DRC7: variants seen among roughly 807,000 people sequenced by gnomAD.
DRC7 encodes the protein dynein regulatory complex subunit 7, also known as coiled-coil domain containing 135.
DRC7 carries 80 observed loss-of-function variants against 104.4 expected under a neutral mutation model. That is an observed-to-expected ratio of 0.77 (90% CI 0.64 to 0.92). DRC7 has a LOEUF of 0.92. DRC7 is among the 40% of genes least tolerant of loss of function. The pLI is 0.00. For synonymous variants in DRC7, 405 were observed against 447.3 expected (o/e 0.91, Z 1.19); for missense variants, 1,034 against 1,141.1 (o/e 0.91, Z 1.35).
intron 8 of DRC7, among the ~76,000 whole-genome samples, chr16:57,709,145 A>G (rs1597800116): frequency 7.1e-6 from 1 of 140,948 alleles, no homozygotes; most frequent in African/African-American, 2.9e-5. Context: ...AAAAAAAAAA[A>G]GCAATTGCTT....
Position 57,702,001 on chromosome 16 carries a change from T to A in DRC7, c.570T>A (p.Ser190Arg). The part of the protein sequence containing the change: ...KYQKGNCFDF[S>R]TLLCSMLIGS... Reference sequence around the variant, plus strand: ...AGAAGGGGAACTGCTTTGACTTCAGTACGCTGCTCTGCTCCATGCTTATCG... The same window carrying A: ...AGAAGGGGAACTGCTTTGACTTCAGAACGCTGCTCTGCTCCATGCTTATCG... The change falls in exon 6 of 19, where the codon AGT (serine) becomes AGA (arginine). Residue 190 changes from serine (S) to arginine (R), a missense_variant. Ser to Arg is a moderately radical substitution (Grantham distance 110). Coordinates refer to ENST00000360716, the MANE Select transcript of DRC7 (RefSeq NM_001289162.2). 6.2e-7 allele frequency: 1 copy of A among 1,614,218 alleles called. No individual in the cohort carries two copies. Among genetic ancestry groups the A allele is most frequent in the Non-Finnish European group, 8.5e-7 (1 of 1,180,030 alleles).
Position 57,726,301 on chromosome 16 carries a change from G to A in DRC7, c.1974+18G>A, listed in dbSNP as rs1239664963. 2 of 1,597,874 alleles carry A rather than the reference G, an allele frequency of 1.3e-6. No homozygotes were observed. The highest frequency in any genetic ancestry group is 1.7e-6 in the Non-Finnish European group (2 of 1,167,276). ...GCTTCGAGGTGGGCCTGGGGGCCACGGCGGGCAGGGGTCGGCTGCAGGAGG... is the reference window on the plus strand; with the variant it reads ...GCTTCGAGGTGGGCCTGGGGGCCACAGCGGGCAGGGGTCGGCTGCAGGAGG... On this transcript the variant is annotated intron_variant, in intron 14 of 18. Transcript: ENST00000360716.
intron 6 of DRC7, among the ~76,000 whole-genome samples, chr16:57,704,675 A>G (rs1356891746): frequency 3.9e-5 from 6 of 152,202 alleles, no homozygotes; most frequent in Non-Finnish European, 5.9e-5. Context: ...TCACACCATG[A>G]ACCTGAGATT....
intron 13 of DRC7, 39 bp downstream of exon 13, chr16:57,724,874 T>C: frequency 6.6e-7 from 1 of 1,519,814 alleles, no homozygotes; most frequent in South Asian, 1.2e-5. Flanking sequence ...TCGCCCTCCT[T>C]CTCTGGCAGC....
chr16:57,708,498 T>C (rs1332540675), intron 8 of DRC7, among the ~76,000 whole-genome samples: 1 of 152,242 alleles, frequency 6.6e-6, no homozygotes. Flanking sequence ...TATTTGTCCT[T>C]TCTACAGTTG....
intron 17 of DRC7, among the ~76,000 whole-genome samples, chr16:57,729,346 ATGAGTGAG>A (rs551575635): frequency 2.6e-5 from 2 of 76,334 alleles, no homozygotes; most frequent in African/African-American, 7.0e-5. Flanking sequence ...GGATGGGTGG[ATGAGTGAG>A]TGAGTGAGTG....
Position 57,724,797 on chromosome 16 carries a change from A to G in DRC7, c.1720A>G (p.Thr574Ala), listed in dbSNP as rs1389454135. 6.2e-7 allele frequency: 1 copy of G among 1,613,634 alleles called. No individual in the cohort carries two copies. The highest frequency in any genetic ancestry group is 1.1e-5 in the South Asian group (1 of 91,072). ...CTTCGGACCCCGAGTCAAGAAGCTC[A>G]CTCTGAGCAGTGCAGAGTCAAACCC... ...ASFGPRVKKL[T>A]LSSAESNPRP... Residue 574 changes from threonine (T) to alanine (A), a missense_variant, in exon 13 of 19, where the codon ACT (threonine) becomes GCT (alanine). Coordinates refer to ENST00000360716, the MANE Select transcript of DRC7 (RefSeq NM_001289162.2).
At chr16:57,700,864 C>T (rs185039244) in intron 5 of DRC7, among the ~76,000 whole-genome samples, 1 of 152,112 alleles carries the variant, frequency 6.6e-6, no homozygotes, top group East Asian at 1.9e-4. Context: ...CCAGACATCG[C>T]CTATTGATTG....
chr16:57,700,088 T>G (rs1597793045), intron 4 of DRC7, 57 bp from the exon 5 acceptor site: 1 of 1,580,946 alleles, frequency 6.3e-7, no homozygotes, highest in East Asian at 2.3e-5. Flanking sequence ...GGCCCCAAGC[T>G]TGATCTCACA....
chr16:57,704,524 G>A (rs1305082282), intron 6 of DRC7, among the ~76,000 whole-genome samples: 1 of 152,152 alleles, frequency 6.6e-6, no homozygotes, highest in Non-Finnish European at 1.5e-5. Context: ...TCAGACCCAG[G>A]TCATGGCTAG....
chr16:57,698,749 G>A (rs1283915505), intron 3 of DRC7, 101 bp from the exon 4 acceptor site: 3 of 1,090,970 alleles, frequency 2.7e-6, no homozygotes, highest in Non-Finnish European at 4.1e-6. Flanking sequence ...GTAGCCGTGA[G>A]GATTAAATGA....
chr16:57,717,341 C>T (rs2048854441), intron 8 of DRC7, among the ~76,000 whole-genome samples: 1 of 146,168 alleles, frequency 6.8e-6, no homozygotes, highest in South Asian at 2.2e-4. Context: ...ATCAAGTGAT[C>T]CTCCTGCCTC....
chr16:57,715,715 A>T (rs2048835527), intron 8 of DRC7, among the ~76,000 whole-genome samples: 1 of 152,210 alleles, frequency 6.6e-6, no homozygotes, highest in African/African-American at 2.4e-5. Flanking sequence ...CGCCACACAG[A>T]GGGGGCAGAG....
chr16:57,696,910 C>A (rs1211215259), intron 2 of DRC7, among the ~76,000 whole-genome samples: 2 of 152,104 alleles, frequency 1.3e-5, no homozygotes, highest in African/African-American at 4.8e-5. Flanking sequence ...TTAAACCAAT[C>A]TATTTATTTA....
At chr16:57,714,781 G>A in intron 8 of DRC7, 1 of 427,732 alleles carries the variant, frequency 2.3e-6, no homozygotes, top group Non-Finnish European at 4.6e-6. Flanking sequence ...TAATCTTATG[G>A]CTGTCAACAG....
chr16:57,720,745 A>T (rs1193509582), intron 9 of DRC7, among the ~76,000 whole-genome samples: 1 of 152,220 alleles, frequency 6.6e-6, no homozygotes, highest in African/African-American at 2.4e-5. Context: ...GCAAAATGTC[A>T]CAATTAGATA....
chr16:57,724,599 C>G lies in DRC7; in HGVS notation c.1538-16C>G, dbSNP rs2048941969. On this transcript the variant is annotated splice_polypyrimidine_tract_variant and intron_variant, in intron 12 of 18. Transcript: ENST00000360716. ...CTTATGAAGCTGTCTCCTCCCAACT[C>G]CCGCTCCCCACCCAGTGCACTCGTA... 6.3e-7 allele frequency: 1 copy of G among 1,586,712 alleles called. No individual in the cohort carries two copies. Among genetic ancestry groups the G allele is most frequent in the Non-Finnish European group, 8.6e-7 (1 of 1,161,642 alleles).
At chr16:57,701,781 G>C (rs1180633262) in intron 5 of DRC7, 155 bp from the exon 6 acceptor site, 1 of 607,424 alleles carries the variant, frequency 1.6e-6, no homozygotes, top group Non-Finnish European at 2.9e-6. Context: ...TTCTTAGCAG[G>C]CTCCCTGACC....
chr16:57,725,975 T>A (rs752880610), intron 13 of DRC7, 93 bp from the exon 14 acceptor site: 22 of 1,080,080 alleles, frequency 2.0e-5, no homozygotes, highest in Non-Finnish European at 2.8e-5. Context: ...TCCAGTGTCC[T>A]GAACGTTCGT....
Sources: allele counts gnomAD v4.1 joint callset (sites outside exome capture counted in the v4.1 genomes callset), GRCh38; gene constraint gnomAD v4.1.1; transcripts MANE v1.5; gene names NCBI Gene and HGNC (gene_info 2026-07-23, HGNC 2026-07-21).